Variants in HYDIN observed in about 807,000 individuals in gnomAD.
HYDIN encodes the protein HYDIN axonemal central pair apparatus protein, also known as axonemal central pair apparatus protein HYDIN.
In HYDIN, 132 loss-of-function variants were observed where a neutral mutation model predicts 403.9. The observed-to-expected ratio is 0.33, with a 90% confidence interval of 0.28 to 0.38. The LOEUF (loss-of-function observed/expected upper bound fraction) is 0.38, where lower values mean the gene tolerates loss of function less well. HYDIN is among the 10% of genes least tolerant of loss of function. The probability of loss-of-function intolerance (pLI) is 1.00; values close to 1 mark genes in which losing one functional copy is unlikely to be tolerated. For synonymous variants in HYDIN, 1,202 were observed against 1,891.7 expected, an observed-to-expected ratio of 0.64 and a Z score of 9.46; for missense variants, 2,827 against 5,009.5, an observed-to-expected ratio of 0.56 and a Z score of 13.15.
At chr16:70,856,647 T>C (rs981098543) in intron 72 of HYDIN, among the ~76,000 whole-genome samples, 6 of 152,300 alleles carry the variant, frequency 3.9e-5, no homozygotes, top group East Asian at 1.9e-4. Context: ...CTTTAATCTA[T>C]TGATGTAATG....
intron 84 of HYDIN, among the ~76,000 whole-genome samples, chr16:70,812,267 A>G (rs1240757931): frequency 7.3e-6 from 1 of 137,436 alleles, no homozygotes; most frequent in African/African-American, 2.8e-5. Context: ...AGGCAGGAGG[A>G]TCACTTGAGG....
Position 71,227,131 on chromosome 16 carries a change from GTA to G in HYDIN, c.-24+3429_-24+3430del, listed in dbSNP as rs575617760. On this transcript the variant is annotated intron_variant, in intron 1 of 85. Transcript: ENST00000393567. ...TATCTGACTTTTGTCATATATATAT[GTA>G]TATATATATGTGTATGTGTGTGTGT... is the stretch of plus-strand genomic sequence containing the variant. 7.3e-5 allele frequency among the ~76,000 whole-genome samples: 11 copies of G among 150,546 alleles called. No individual in the cohort carries two copies. The East Asian group carries it at 9.7e-4, about 13-fold the overall frequency.
At chr16:70,843,377 A>C (rs1322478334) in intron 75 of HYDIN, among the ~76,000 whole-genome samples, 1 of 136,032 alleles carries the variant, frequency 7.4e-6, no homozygotes, top group African/African-American at 3.0e-5. Context: ...TGAACTCATC[A>C]TTTTTTATGG....
intron 29 of HYDIN, among the ~76,000 whole-genome samples, chr16:70,980,948 A>G (rs892785340): frequency 6.6e-6 from 1 of 152,046 alleles, no homozygotes; most frequent in African/African-American, 2.4e-5. Context: ...CACCCTGTGT[A>G]ATGCCAAAAT....
rs1424819335 is a variant in HYDIN, at chr16:70,840,039, T to C, written c.13043+25A>G. On this transcript the variant is annotated intron_variant, in intron 76 of 85. Transcript: ENST00000393567. ...GACCCACAAGCAGCTAGAGAATCAT[T>C]TGGAGGCTCTGGAAGCCTGCTTACC... 34 of 617,360 alleles carry C rather than the reference T, an allele frequency of 5.5e-5. No homozygotes were observed. The East Asian group carries it at 7.9e-4, about 14-fold the overall frequency. The allele number at this position is 617,360 out of a possible 1,614,324, so 38.2% of individuals were successfully genotyped here. A position where few individuals can be genotyped will look rare whatever the true frequency, so the allele number is the denominator to read the frequency against.
chr16:70,893,986 G>C (rs1597245266), intron 55 of HYDIN: 1 of 152,820 alleles, frequency 6.5e-6, no homozygotes, highest in African/African-American at 2.4e-5. Context: ...TTGTAAAGCA[G>C]ATAAGAGCTG....
rs764812731 is a variant in HYDIN, at chr16:70,882,688, T to C, written c.10187A>G (p.Asn3396Ser). The change falls in exon 60 of 86, where the codon AAC (asparagine) becomes AGC (serine). Residue 3396 changes from asparagine (N) to serine (S), a missense_variant. Coordinates refer to ENST00000393567, the MANE Select transcript of HYDIN (RefSeq NM_001270974.2). ...SNVGKITCDV[N>S]IVVRPISNKP... ...ATTGGAGATAGGCCTGACTACAATGTTGACATCACAGGTGATCTTTCCCAC... is the reference window on the plus strand; with the variant it reads ...ATTGGAGATAGGCCTGACTACAATGCTGACATCACAGGTGATCTTTCCCAC... 16 of 1,414,432 alleles carry C rather than the reference T, an allele frequency of 1.1e-5. No individual in the cohort carries two copies. The Admixed American group carries it at 2.4e-4, about 21-fold the overall frequency. The allele number at this position is 1,414,432 out of a possible 1,614,324, so 87.6% of individuals were successfully genotyped here. A position where few individuals can be genotyped will look rare whatever the true frequency, so the allele number is the denominator to read the frequency against.
chr16:70,830,792 G>A lies in HYDIN; in HGVS notation c.13900-962C>T, dbSNP rs146857027. On this transcript the variant is annotated intron_variant, in intron 80 of 85. Transcript: ENST00000393567. The stretch of plus-strand genomic sequence containing the variant: ...CCTTTACTGATGTGGGATTGACTGC[G>A]GGAGGAGCAGGTTTCAGTGAGAGAT... 9.3e-3 allele frequency among the ~76,000 whole-genome samples: 1,414 copies of A among 152,222 alleles called. 13 individuals carry two copies. Among genetic ancestry groups the A allele is most frequent in the Middle Eastern group, 0.086 (25 of 292 alleles).
At chr16:71,207,297 C>G (rs2088350307) in intron 1 of HYDIN, among the ~76,000 whole-genome samples, 1 of 152,104 alleles carries the variant, frequency 6.6e-6, no homozygotes, top group Non-Finnish European at 1.5e-5. Context: ...AAAAGAAATT[C>G]AAACCAAAAA....
chr16:70,850,720 G>C, intron 73 of HYDIN, 65 bp from the exon 74 acceptor site: 1 of 1,265,442 alleles, frequency 7.9e-7, no homozygotes, highest in East Asian at 2.4e-5. Flanking sequence ...TAAAAAATAT[G>C]AGCCTACTGA....
intron 1 of HYDIN, among the ~76,000 whole-genome samples, chr16:71,201,324 G>C (rs1294358096): frequency 6.6e-6 from 1 of 152,116 alleles, no homozygotes; most frequent in Non-Finnish European, 1.5e-5. Flanking sequence ...CTGAATCACT[G>C]ATCTGTTCAT....
intron 1 of HYDIN, among the ~76,000 whole-genome samples, chr16:71,202,993 T>C (rs1446759813): frequency 2.0e-5 from 3 of 152,152 alleles, no homozygotes; most frequent in Non-Finnish European, 2.9e-5. Context: ...ATCCTTCCCT[T>C]GAATGATGGC....
Position 70,879,760 on chromosome 16 carries a change from G to T in HYDIN, c.10216-4C>A, listed in dbSNP as rs367744792. On this transcript the variant is annotated splice_polypyrimidine_tract_variant and splice_region_variant and intron_variant, in intron 60 of 85. Coordinates refer to ENST00000393567, the MANE Select transcript of HYDIN (RefSeq NM_001270974.2). ...TGTCGACGATGCGGGCAAAGGGCTGGTGATGGGGGCAGAGACCAGAGTGTG... is the reference window on the plus strand; with the variant it reads ...TGTCGACGATGCGGGCAAAGGGCTGTTGATGGGGGCAGAGACCAGAGTGTG... 3.1e-4 allele frequency: 338 copies of T among 1,097,620 alleles called. No homozygotes were observed. In the Middle Eastern group the frequency reaches 4.3e-3, roughly 14 times the overall value. 68.0% of individuals were successfully genotyped at this position (1,097,620 alleles called of 1,614,324 possible).
At chr16:70,900,228 C>A (rs2076327644) in intron 53 of HYDIN, among the ~76,000 whole-genome samples, 1 of 152,040 alleles carries the variant, frequency 6.6e-6, no homozygotes, top group Non-Finnish European at 1.5e-5. Context: ...GTAATCCCAG[C>A]ACTTTGGGAG....
In HYDIN at chr16:71,186,744, A is replaced by G; in HGVS notation, c.135+17T>C. 1 of 1,602,806 alleles carries G rather than the reference A, an allele frequency of 6.2e-7. No individual in the cohort carries two copies. The highest frequency in any genetic ancestry group is 8.5e-7 in the Non-Finnish European group (1 of 1,173,192). ...ATTGCATTAAGTATTTTACATATTA[A>G]TTCCCGGATACATTACCATTCGGTT... On this transcript the variant is annotated intron_variant, in intron 2 of 85. Coordinates refer to ENST00000393567, the MANE Select transcript of HYDIN (RefSeq NM_001270974.2).
intron 67 of HYDIN, among the ~76,000 whole-genome samples, 179 bp from the exon 68 acceptor site, chr16:70,863,361 C>T (rs371015888): frequency 0.019 from 2,929 of 152,038 alleles, 49 homozygotes; most frequent in Middle Eastern, 0.082. Context: ...TATACTCGAA[C>T]AAGAAAATAT....
At chr16:70,881,066 A>C (rs2143684726) in intron 60 of HYDIN, among the ~76,000 whole-genome samples, 1 of 143,626 alleles carries the variant, frequency 7.0e-6, no homozygotes, top group South Asian at 2.2e-4. Context: ...TCTCTACAAA[A>C]AATACAAAAA....
At chr16:70,949,240 T>G in intron 41 of HYDIN, among the ~76,000 whole-genome samples, 1 of 139,002 alleles carries the variant, frequency 7.2e-6, no homozygotes, top group Non-Finnish European at 1.5e-5. Flanking sequence ...TTCTCACTCA[T>G]AGGTGGGAAT....
intron 19 of HYDIN, among the ~76,000 whole-genome samples, chr16:71,031,156 C>T (rs1190686799): frequency 3.4e-5 from 5 of 146,094 alleles, no homozygotes; most frequent in African/African-American, 7.7e-5. Flanking sequence ...GCAGAGATCG[C>T]GCCACTGCAC....
Sources: allele counts gnomAD v4.1 joint callset (sites outside exome capture counted in the v4.1 genomes callset), GRCh38; gene constraint gnomAD v4.1.1; transcripts MANE v1.5; gene names NCBI Gene and HGNC (gene_info 2026-07-23, HGNC 2026-07-21).